The following LRRC7 variants were observed in gnomAD, a reference collection of about 807,000 sequenced individuals.
LRRC7 encodes the protein leucine-rich repeat-containing protein 7.
A neutral mutation model predicts 175.7 loss-of-function variants in LRRC7; 23 were observed. The observed-to-expected ratio is 0.13, with a 90% CI of 0.09 to 0.19. The LOEUF (loss-of-function observed/expected upper bound fraction) is 0.19, where lower values mean the gene tolerates loss of function less well. Ranked by LOEUF, LRRC7 falls within the 10% of genes least tolerant of loss-of-function variation. The probability of loss-of-function intolerance (pLI) is 1.00; values close to 1 mark genes in which losing one functional copy is unlikely to be tolerated. For missense variants in LRRC7, 1,354 were observed against 1,904.7 expected (o/e 0.71, Z 5.38); for synonymous variants, 685 against 680.9 (o/e 1.01, Z -0.09).
chr1:69,781,941 A>AAAGAGAGG (rs1557721432), intron 3 of LRRC7, among the ~76,000 whole-genome samples: 1 of 134,032 alleles, frequency 7.5e-6, no homozygotes, highest in African/African-American at 3.1e-5. Context: ...AGAAAGAAAG[A>AAAGAGAGG]GAAAAGAAAA....
chr1:69,739,835 C>T (rs1476555571), intron 2 of LRRC7, among the ~76,000 whole-genome samples: 1 of 152,002 alleles, frequency 6.6e-6, no homozygotes, highest in African/African-American at 2.4e-5. Context: ...ATGTCAATCA[C>T]CAGAGAAGAA....
intron 1 of LRRC7, among the ~76,000 whole-genome samples, chr1:69,610,692 G>C (rs1190160001): frequency 6.6e-6 from 1 of 151,816 alleles, no homozygotes; most frequent in Non-Finnish European, 1.5e-5. Flanking sequence ...TTTTAAGAGA[G>C]AGCACTTTTA....
rs75447601 is a variant in LRRC7 at position 69,673,438 on chromosome 1, G to C, written c.3-4943G>C. Among the ~76,000 whole-genome samples the C allele has an allele frequency of 3.8e-3, 582 of 152,300 alleles. 6 individuals carry two copies. The highest frequency in any genetic ancestry group is 0.013 in the African/African-American group (555 of 41,558). ...AGTTGTTAGAGCATCTGTCTCACCT[G>C]TGGTCATTACATTTAATCTCTCTTT... On this transcript the variant is annotated intron_variant, in intron 1 of 26. Transcript: ENST00000651989.
intron 7 of LRRC7, chr1:69,919,479 C>A: frequency 1.0e-6 from 1 of 971,504 alleles, no homozygotes; most frequent in Non-Finnish European, 1.6e-6. Flanking sequence ...GCGGGAACAG[C>A]AGCAGTGGCG....
At chr1:69,975,266 G>A (rs1652690991) in intron 8 of LRRC7, among the ~76,000 whole-genome samples, 1 of 152,086 alleles carries the variant, frequency 6.6e-6, no homozygotes, top group South Asian at 2.1e-4. Flanking sequence ...AATCATGAAA[G>A]GCCTTATGTT....
At chr1:69,780,323 A>G (rs1673341102) in intron 3 of LRRC7, among the ~76,000 whole-genome samples, 1 of 152,138 alleles carries the variant, frequency 6.6e-6, no homozygotes, top group Admixed American at 6.6e-5. Context: ...CTGCTATAGT[A>G]TTTATTACAT....
chr1:69,912,087 G>C (rs940442987), intron 7 of LRRC7, among the ~76,000 whole-genome samples: 6 of 152,184 alleles, frequency 3.9e-5, no homozygotes, highest in African/African-American at 1.4e-4. Context: ...CCATTTTGCA[G>C]AAACTAGAGT....
At chr1:69,788,207 A>G (rs1461292458) in intron 3 of LRRC7, among the ~76,000 whole-genome samples, 2 of 152,146 alleles carry the variant, frequency 1.3e-5, no homozygotes, top group Non-Finnish European at 2.9e-5. Context: ...TAACCCATCA[A>G]GGACCAACAG....
At chr1:69,681,054 C>T (rs996620882) in intron 2 of LRRC7, among the ~76,000 whole-genome samples, 12 of 152,100 alleles carry the variant, frequency 7.9e-5, no homozygotes, top group African/African-American at 2.9e-4. Context: ...CAAATGCACA[C>T]ATATTACCAC....
chr1:69,645,097 A>G (rs1172416481), intron 1 of LRRC7, among the ~76,000 whole-genome samples: 1 of 152,034 alleles, frequency 6.6e-6, no homozygotes, highest in African/African-American at 2.4e-5. Flanking sequence ...ACTACATTGT[A>G]TCAGAAGGTC....
intron 25 of LRRC7, among the ~76,000 whole-genome samples, chr1:70,092,502 G>A (rs1205863850): frequency 6.6e-6 from 1 of 152,128 alleles, no homozygotes; most frequent in Non-Finnish European, 1.5e-5. Flanking sequence ...ACATCTGAAT[G>A]TCTTAGAGGT....
intron 1 of LRRC7, among the ~76,000 whole-genome samples, chr1:69,574,462 A>G (rs932609331): frequency 3.3e-5 from 5 of 152,090 alleles, no homozygotes; most frequent in African/African-American, 1.2e-4. Context: ...GCTTGGCTGT[A>G]TTGTCAATTT....
chr1:70,121,245 C>A (rs1666190782), intron 26 of LRRC7, among the ~76,000 whole-genome samples: 1 of 151,954 alleles, frequency 6.6e-6, no homozygotes, highest in African/African-American at 2.4e-5. Flanking sequence ...AGTATACTTG[C>A]ATTTAGCAAT....
chr1:69,858,214 G>A (rs995435629), intron 7 of LRRC7, among the ~76,000 whole-genome samples: 8 of 152,280 alleles, frequency 5.3e-5, no homozygotes, highest in South Asian at 2.1e-4. Flanking sequence ...AGGACTTCAT[G>A]TCTAAAACAC....
intron 2 of LRRC7, among the ~76,000 whole-genome samples, chr1:69,683,573 G>A (rs1023829231): frequency 6.6e-6 from 1 of 152,078 alleles, no homozygotes; most frequent in Non-Finnish European, 1.5e-5. Flanking sequence ...AGAAAAATAT[G>A]TATTTTGAAA....
intron 7 of LRRC7, chr1:69,839,106 C>A (rs1681447315): frequency 7.7e-6 from 2 of 258,650 alleles, no homozygotes; most frequent in African/African-American, 2.3e-5. Flanking sequence ...TTCAGTAGGA[C>A]TTAGATTCAT....
chr1:69,619,409 A>C (rs1368675822), intron 1 of LRRC7, among the ~76,000 whole-genome samples: 1 of 152,144 alleles, frequency 6.6e-6, no homozygotes, highest in Non-Finnish European at 1.5e-5. Context: ...ACCGGTTTCT[A>C]CTAAGAATGT....
At chr1:69,725,850 G>A (rs1344767740) in intron 2 of LRRC7, among the ~76,000 whole-genome samples, 1 of 152,162 alleles carries the variant, frequency 6.6e-6, no homozygotes, top group Non-Finnish European at 1.5e-5. Flanking sequence ...TGGTTTCTGT[G>A]CCCTGAGTGT....
At chr1:69,924,890 G>T (rs985646019) in intron 7 of LRRC7, among the ~76,000 whole-genome samples, 3 of 152,176 alleles carry the variant, frequency 2.0e-5, no homozygotes, top group Non-Finnish European at 4.4e-5. Context: ...TTTTCAAATG[G>T]AATGCTTCCA....
Sources: allele counts gnomAD v4.1 joint callset (sites outside exome capture counted in the v4.1 genomes callset), GRCh38; gene constraint gnomAD v4.1.1; transcripts MANE v1.5; gene names NCBI Gene and HGNC (gene_info 2026-07-23, HGNC 2026-07-21).